NAXD: variants seen among roughly 807,000 people sequenced by gnomAD.
NAXD encodes the protein ATP-dependent (S)-NAD(P)H-hydrate dehydratase.
A neutral mutation model predicts 35.8 loss-of-function variants in NAXD; 22 were observed. That is an observed-to-expected ratio of 0.62 (90% CI 0.44 to 0.88). NAXD has a LOEUF of 0.88. Ranked by LOEUF, NAXD falls within the 40% of genes least tolerant of loss-of-function variation. The pLI, the probability that NAXD is intolerant of heterozygous loss-of-function variation, is 0.00. For missense variants in NAXD, 428 were observed against 437.7 expected (o/e 0.98, Z 0.20); for synonymous variants, 189 against 177.6 (o/e 1.06, Z -0.51).
intron 1 of NAXD, among the ~76,000 whole-genome samples, chr13:110,620,019 G>A (rs567479617): frequency 1.3e-5 from 2 of 151,880 alleles, no homozygotes; most frequent in East Asian, 2.0e-4. Flanking sequence ...GGCTGGTCTC[G>A]AACTCCTGAC....
In NAXD at chr13:110,635,614, T is replaced by C. The variant is rs778178525; in HGVS notation, c.718+26T>C. 5 of 1,612,086 alleles carry C rather than the reference T, an allele frequency of 3.1e-6. No homozygotes were observed. In the East Asian group the frequency reaches 1.1e-4, roughly 36 times the overall value. On this transcript the variant is annotated intron_variant, in intron 8 of 9. Coordinates refer to ENST00000680254, the MANE Select transcript of NAXD (RefSeq NM_001242882.2). The stretch of plus-strand genomic sequence containing the variant: ...GTGAGTGGCGGCTGCCCTCTGTGCA[T>C]GGGCCAGTGCCAGGTCAGTCAGCAT...
At chr13:110,630,039 T>G (rs1287957735) in intron 5 of NAXD, among the ~76,000 whole-genome samples, 1 of 152,114 alleles carries the variant, frequency 6.6e-6, no homozygotes, top group Non-Finnish European at 1.5e-5. Flanking sequence ...TTTGTTTTGT[T>G]TTGTTTTTGA....
chr13:110,632,161 G>A (rs533506860), intron 5 of NAXD, among the ~76,000 whole-genome samples: 3 of 137,780 alleles, frequency 2.2e-5, no homozygotes, highest in South Asian at 2.3e-4. Context: ...TGGTGGGTTC[G>A]TGGTCTCTGT....
At chr13:110,616,055 G>A in intron 1 of NAXD, 2 of 368,824 alleles carry the variant, frequency 5.4e-6, no homozygotes, top group East Asian at 4.1e-5. Flanking sequence ...CGAGGGCCGA[G>A]GACGGTAGGA....
rs183555854 is a variant in NAXD at position 110,616,793 on chromosome 13, T to C, written c.46+1146T>C. ...AGAGAAAGTGACTTAGCCAGGATTC[T>C]CCAGCCAGTGAGTGGCCGAAATGGT... On this transcript the variant is annotated intron_variant, in intron 1 of 9. Transcript: ENST00000680254. 1.3e-4 allele frequency among the ~76,000 whole-genome samples: 20 copies of C among 152,348 alleles called. No homozygotes were observed. In the East Asian group the frequency reaches 2.7e-3, roughly 21 times the overall value.
rs1365974440 is a variant in NAXD, at chr13:110,624,351, C to G, written c.243+72C>G. ...TTTGATTATTTAAATATGATTAAAGCAAATGTTTTCTGATAGAAATCTAAA... is the reference window on the plus strand; with the variant it reads ...TTTGATTATTTAAATATGATTAAAGGAAATGTTTTCTGATAGAAATCTAAA... On this transcript the variant is annotated intron_variant, in intron 3 of 9. Transcript: ENST00000680254. 15 of 934,006 alleles carry G rather than the reference C, an allele frequency of 1.6e-5. No homozygotes were observed. The Admixed American group carries it at 2.8e-4, about 18-fold the overall frequency. 57.9% of individuals were successfully genotyped at this position (934,006 alleles called of 1,614,324 possible).
At chr13:110,624,201 A>C in intron 2 of NAXD, 33 bp from the exon 3 acceptor site, 1 of 1,442,206 alleles carries the variant, frequency 6.9e-7, no homozygotes, top group East Asian at 2.3e-5. Flanking sequence ...CCTTATTCTC[A>C]GAAGTTTTTG....
intron 4 of NAXD, among the ~76,000 whole-genome samples, chr13:110,626,582 T>C (rs1391891907): frequency 3.3e-5 from 5 of 151,856 alleles, no homozygotes; most frequent in South Asian, 4.2e-4. Context: ...CAGGGGGGAC[T>C]TGGCACTCAG....
At chr13:110,634,439 C>T (rs1886838249) in intron 5 of NAXD, 106 bp from the exon 6 acceptor site, 2 of 1,196,736 alleles carry the variant, frequency 1.7e-6, no homozygotes, top group Non-Finnish European at 2.5e-6. Context: ...CCCCACCTCC[C>T]AGGACCCTTC....
At chr13:110,619,945 T>A (rs574832946) in intron 1 of NAXD, among the ~76,000 whole-genome samples, 116 of 152,148 alleles carry the variant, frequency 7.6e-4, no homozygotes, top group Non-Finnish European at 1.1e-3. Flanking sequence ...ATTACAGGCA[T>A]GCACCACCGT....
chr13:110,626,358 G>C (rs970134044), intron 4 of NAXD, among the ~76,000 whole-genome samples: 1 of 152,140 alleles, frequency 6.6e-6, no homozygotes, highest in African/African-American at 2.4e-5. Context: ...TGGTCTGAGC[G>C]AGTGGTCACT....
intron 2 of NAXD, 72 bp downstream of exon 2, chr13:110,622,438 C>T: frequency 6.7e-7 from 1 of 1,498,760 alleles, no homozygotes; most frequent in Admixed American, 1.7e-5. Context: ...GACTGTCATT[C>T]ACGCTGTCTA....
At position 110,638,353 on chromosome 13, in the gene NAXD, C is replaced by A. The variant is rs1887016541; in HGVS notation, c.840-25C>A. On this transcript the variant is annotated intron_variant, in intron 9 of 9. Transcript: ENST00000680254. The surrounding 1 kb of genome is among the most constrained non-coding windows in gnomAD (Gnocchi z 5.4). The stretch of plus-strand genomic sequence containing the variant: ...GGACCACGACGCCCACTTCCCCACA[C>A]CTCCTGCTGTCCCCCTCTCCGCAGG... 2 of 1,613,870 alleles carry A rather than the reference C, an allele frequency of 1.2e-6. No homozygotes were observed. Among genetic ancestry groups the A allele is most frequent in the South Asian group, 1.1e-5 (1 of 91,078 alleles).
chr13:110,636,706 C>A (rs1344458451), intron 8 of NAXD, among the ~76,000 whole-genome samples: 2 of 152,206 alleles, frequency 1.3e-5, no homozygotes, highest in Non-Finnish European at 1.5e-5. Context: ...CTCGGTGTTG[C>A]CCTGTATGGT....
rs778929549 is a variant in NAXD, at chr13:110,624,114, A to G, written c.198-120A>G. 28 of 625,076 alleles carry G rather than the reference A, an allele frequency of 4.5e-5. 1 individual carries two copies. Among genetic ancestry groups the G allele is most frequent in the Non-Finnish European group, 8.0e-5 (28 of 350,908 alleles). 38.7% of individuals were successfully genotyped at this position (625,076 alleles called of 1,614,324 possible). A position where few individuals can be genotyped will look rare whatever the true frequency, so the allele number is the denominator to read the frequency against. ...GTGCTGTGTGCTTCATGTCTCTGTT[A>G]TTTATTGATAAACCATGTCTATATT... On this transcript the variant is annotated intron_variant, in intron 2 of 9. Coordinates refer to ENST00000680254, the MANE Select transcript of NAXD (RefSeq NM_001242882.2).
Position 110,622,298 on chromosome 13 carries a change from A to C in NAXD, c.129A>C (p.Ile43=). Reference sequence around the variant, plus strand: ...CTTTGCAGCTGGTGAGAAATATCATACCTCCTCTGTCTTCCACAAAGCACA... The same window carrying C: ...CTTTGCAGCTGGTGAGAAATATCATCCCTCCTCTGTCTTCCACAAAGCACA... ...ENTLQLVRNI[I]PPLSSTKHKG... The change falls in exon 2 of 10, where the codon ATA becomes ATC. Residue 43 remains isoleucine (I), a synonymous_variant. Coordinates refer to ENST00000680254, the MANE Select transcript of NAXD (RefSeq NM_001242882.2). The C allele has an allele frequency of 6.2e-7, 1 of 1,614,168 alleles. No individual in the cohort carries two copies. The highest frequency in any genetic ancestry group is 8.5e-7 in the Non-Finnish European group (1 of 1,179,992).
intron 5 of NAXD, among the ~76,000 whole-genome samples, chr13:110,632,260 G>GTGGTCTCGGTGGGCTCA (rs1886723990): frequency 6.6e-6 from 1 of 151,958 alleles, no homozygotes; most frequent in Non-Finnish European, 1.5e-5. Flanking sequence ...CGGTGGGCTC[G>GTGGTCTCGGTGGGCTCA]TGGTCTCGCT....
intron 1 of NAXD, among the ~76,000 whole-genome samples, chr13:110,617,657 C>G (rs559405904): frequency 6.6e-6 from 1 of 152,328 alleles, no homozygotes; most frequent in East Asian, 1.9e-4. Flanking sequence ...TGCTATACTT[C>G]TTATTTTGCC....
intron 2 of NAXD, among the ~76,000 whole-genome samples, chr13:110,623,084 T>C (rs1886327612): frequency 6.6e-6 from 1 of 152,318 alleles, no homozygotes; most frequent in East Asian, 1.9e-4. Context: ...CCTGCAGCCC[T>C]TGGAGGACAA....
Sources: gnomAD v4.1 joint callset for allele counts (sites outside exome capture counted in the v4.1 genomes callset) on GRCh38, gnomAD v4.1.1 for gene constraint, Gnocchi (gnomAD v3.1) non-coding constraint, MANE v1.5 for transcripts, NCBI Gene and HGNC (gene_info 2026-07-23, HGNC 2026-07-21) for gene names.